The following SHROOM3 variants were observed in gnomAD, a reference collection of about 807,000 sequenced individuals.
The protein encoded by SHROOM3 is shroom family member 3, also known as protein Shroom3.
In SHROOM3, 47 loss-of-function variants were observed where a neutral mutation model predicts 138.6. The observed-to-expected ratio is 0.34, with a 90% CI of 0.27 to 0.43. The LOEUF is 0.43. Ranked by LOEUF, SHROOM3 falls within the 20% of genes least tolerant of loss-of-function variation. The pLI, the probability that SHROOM3 is intolerant of heterozygous loss-of-function variation, is 1.00. For synonymous variants in SHROOM3, 1,062 were observed against 1,063.3 expected, an observed-to-expected ratio of 1.00 and a Z score of 0.02; for missense variants, 2,491 against 2,596.5, an observed-to-expected ratio of 0.96 and a Z score of 0.88.
intron 2 of SHROOM3, among the ~76,000 whole-genome samples, chr4:76,566,843 T>C (rs1470025836): frequency 6.6e-6 from 1 of 152,260 alleles, no homozygotes; most frequent in Non-Finnish European, 1.5e-5. Flanking sequence ...TGTCTCCTCA[T>C]GGTTCTGTTG....
intron 1 of SHROOM3, among the ~76,000 whole-genome samples, chr4:76,491,479 A>G (rs1378971995): frequency 1.3e-5 from 2 of 152,178 alleles, no homozygotes; most frequent in African/African-American, 2.4e-5. Context: ...TGTGACTGAG[A>G]TCCAGTCATG....
At chr4:76,437,008 T>A (rs562133826) in intron 1 of SHROOM3, among the ~76,000 whole-genome samples, 47 of 152,340 alleles carry the variant, frequency 3.1e-4, no homozygotes, top group African/African-American at 1.1e-3. Context: ...GAAACATTTG[T>A]AATTAAGGGA....
chr4:76,629,165 G>A (rs532636576), intron 2 of SHROOM3, among the ~76,000 whole-genome samples: 8 of 152,302 alleles, frequency 5.3e-5, no homozygotes, highest in East Asian at 1.9e-4. Context: ...TTTAAATAAG[G>A]AAGTGAGGGT....
intron 2 of SHROOM3, among the ~76,000 whole-genome samples, chr4:76,581,165 G>A (rs1279076236): frequency 1.3e-5 from 2 of 151,974 alleles, no homozygotes; most frequent in Non-Finnish European, 2.9e-5. Flanking sequence ...ATGGTAACTT[G>A]GTTTTCCCTG....
intron 4 of SHROOM3, among the ~76,000 whole-genome samples, chr4:76,734,573 C>T (rs1249451698): frequency 6.8e-6 from 1 of 147,318 alleles, no homozygotes; most frequent in Non-Finnish European, 1.5e-5. Context: ...TGCAGTGATG[C>T]GATCAAGGCT....
chr4:76,436,577 T>C (rs529607611), intron 1 of SHROOM3, among the ~76,000 whole-genome samples: 24 of 152,344 alleles, frequency 1.6e-4, no homozygotes, highest in South Asian at 4.1e-4. Flanking sequence ...TTCAAAAATA[T>C]CTGCTTTTTC....
At chr4:76,666,925 A>C (rs954671595) in intron 2 of SHROOM3, among the ~76,000 whole-genome samples, 1 of 152,248 alleles carries the variant, frequency 6.6e-6, no homozygotes, top group Non-Finnish European at 1.5e-5. Context: ...ACAGAATATG[A>C]CATAGGTGAA....
At chr4:76,616,085 T>C (rs1433730909) in intron 2 of SHROOM3, among the ~76,000 whole-genome samples, 1 of 152,060 alleles carries the variant, frequency 6.6e-6, no homozygotes, top group Non-Finnish European at 1.5e-5. Context: ...TGACATTAGG[T>C]TTGACATTAG....
chr4:76,629,009 G>GT (rs1288523853), intron 2 of SHROOM3: 1 of 152,124 alleles, frequency 6.6e-6, no homozygotes, highest in East Asian at 1.9e-4. Flanking sequence ...ACCCAGCTAA[G>GT]TTTTTTCTGT....
At chr4:76,464,381 C>T (rs956886820) in intron 1 of SHROOM3, among the ~76,000 whole-genome samples, 1 of 152,110 alleles carries the variant, frequency 6.6e-6, no homozygotes, top group African/African-American at 2.4e-5. Context: ...AATGCCTGTA[C>T]CCCATTGTAT....
intron 2 of SHROOM3, among the ~76,000 whole-genome samples, chr4:76,639,052 G>A (rs1416091520): frequency 1.3e-5 from 2 of 151,498 alleles, no homozygotes; most frequent in Non-Finnish European, 2.9e-5. Context: ...TTTGGGGAGA[G>A]AGAGAATCGC....
chr4:76,528,831 G>A (rs542168366), intron 1 of SHROOM3, among the ~76,000 whole-genome samples: 239 of 152,324 alleles, frequency 1.6e-3, no homozygotes, highest in African/African-American at 5.5e-3. Flanking sequence ...TGGGATTACA[G>A]GTGTGGGCCA....
intron 2 of SHROOM3, among the ~76,000 whole-genome samples, chr4:76,565,160 C>CAAAAAAAAAAAAA (rs1166896258): frequency 1.5e-5 from 2 of 135,950 alleles, no homozygotes; most frequent in African/African-American, 5.5e-5. Context: ...GACTCCATTT[C>CAAAAAAAAAAAAA]AAAAAAAAAA....
intron 2 of SHROOM3, among the ~76,000 whole-genome samples, chr4:76,674,711 T>A (rs1336935104): frequency 6.6e-6 from 1 of 151,902 alleles, no homozygotes; most frequent in Non-Finnish European, 1.5e-5. Flanking sequence ...CACATCACCA[T>A]GCCCAGCTAA....
intron 2 of SHROOM3, among the ~76,000 whole-genome samples, chr4:76,680,323 T>C (rs193094749): frequency 6.6e-6 from 1 of 152,232 alleles, no homozygotes; most frequent in East Asian, 1.9e-4. Context: ...TGTATTTTAG[T>C]AGACACGGGG....
At chr4:76,617,908 T>C (rs560353698) in intron 2 of SHROOM3, among the ~76,000 whole-genome samples, 1 of 152,258 alleles carries the variant, frequency 6.6e-6, no homozygotes, top group Non-Finnish European at 1.5e-5. Flanking sequence ...TACTGTATAT[T>C]AGGTTTGAAA....
intron 2 of SHROOM3, among the ~76,000 whole-genome samples, chr4:76,681,923 C>T (rs1447987196): frequency 6.6e-6 from 1 of 152,092 alleles, no homozygotes; most frequent in African/African-American, 2.4e-5. Context: ...GTCAGTTCTC[C>T]GGAGTCTTGC....
chr4:76,683,865 CTA>C (rs1409785956), intron 2 of SHROOM3, among the ~76,000 whole-genome samples: 1 of 152,108 alleles, frequency 6.6e-6, no homozygotes, highest in Non-Finnish European at 1.5e-5. Flanking sequence ...TCCTCAAAGT[CTA>C]TAGAAGTGTT....
At chr4:76,647,674 C>T (rs1028797691) in intron 2 of SHROOM3, among the ~76,000 whole-genome samples, 3 of 152,092 alleles carry the variant, frequency 2.0e-5, no homozygotes, top group African/African-American at 7.2e-5. Flanking sequence ...GCAGGCAGAT[C>T]GCTTGAGCCC....
Sources: gnomAD v4.1 joint callset for allele counts (sites outside exome capture counted in the v4.1 genomes callset) on GRCh38, gnomAD v4.1.1 for gene constraint, MANE v1.5 for transcripts, NCBI Gene and HGNC (gene_info 2026-07-23, HGNC 2026-07-21) for gene names.